UCMA: variants seen among roughly 807,000 people sequenced by gnomAD.
The protein encoded by UCMA is upper zone of growth plate and cartilage matrix-associated protein.
UCMA carries 21 observed loss-of-function variants against 21.8 expected under a neutral mutation model. The observed-to-expected ratio is 0.97, with a 90% CI of 0.68 to 1.39. The LOEUF (loss-of-function observed/expected upper bound fraction) is 1.39, where lower values mean the gene tolerates loss of function less well. Ranked by LOEUF, UCMA falls within the 40% of genes most tolerant of loss-of-function variation. The probability of loss-of-function intolerance (pLI) is 0.00; values close to 1 mark genes in which losing one functional copy is unlikely to be tolerated. For synonymous variants in UCMA, 76 were observed against 67.9 expected, an observed-to-expected ratio of 1.12 and a Z score of -0.58; for missense variants, 193 against 178.9, an observed-to-expected ratio of 1.08 and a Z score of -0.45.
chr10:13,233,636 G>C lies in UCMA; in HGVS notation c.125-3C>G, dbSNP rs1165983592. 1 of 1,614,002 alleles carries C rather than the reference G, an allele frequency of 6.2e-7. No homozygotes were observed. The highest frequency in any genetic ancestry group is 1.3e-5 in the African/African-American group (1 of 74,898). On this transcript the variant is annotated splice_region_variant and splice_polypyrimidine_tract_variant and intron_variant, in intron 2 of 4. Transcript: ENST00000378681. ...CATGAAAATCTTCTGTTTTGCATCT[G>C]AAACCCGGGAGAGGCCTGTCACCAG...
At chr10:13,224,888 A>C (rs1588488535) in intron 4 of UCMA, among the ~76,000 whole-genome samples, 2 of 152,154 alleles carry the variant, frequency 1.3e-5, no homozygotes, top group African/African-American at 4.8e-5. Flanking sequence ...AAATCCCATT[A>C]GGTACTTGAT....
chr10:13,233,391 C>G, intron 3 of UCMA, 147 bp downstream of exon 3: 1 of 675,674 alleles, frequency 1.5e-6, no homozygotes, highest in Non-Finnish European at 2.6e-6. Flanking sequence ...ATTTCTCATT[C>G]AGAGCTGCAG....
Position 13,222,184 on chromosome 10 carries a change from G to C in UCMA, c.336C>G (p.Ser112Arg). 1.2e-6 allele frequency: 2 copies of C among 1,613,872 alleles called. No homozygotes were observed. Among genetic ancestry groups the C allele is most frequent in the Non-Finnish European group, 1.7e-6 (2 of 1,179,956 alleles). The change falls in exon 5 of 5, where the codon AGC becomes AGG. Residue 112 changes from serine to arginine, a missense_variant. Transcript: ENST00000378681. ...GGCGCCACTGCTCCACAGCCTCCCG[G>C]CTCCTCTCTTCCTGCTCTGGGGAGG... Reference protein sequence around the residue: ...EEQNDEQEERSREAVEQWRQW... With the variant: ...EEQNDEQEERRREAVEQWRQW...
chr10:13,221,825 T>C lies in UCMA; in HGVS notation c.*278A>G. 2 of 438,146 alleles carry C rather than the reference T, an allele frequency of 4.6e-6. No individual in the cohort carries two copies. Among genetic ancestry groups the C allele is most frequent in the Non-Finnish European group, 8.2e-6 (2 of 244,084 alleles). 27.1% of individuals were successfully genotyped at this position (438,146 alleles called of 1,614,324 possible). ...AAACATGTGATTCTTGACTGATTCT[T>C]TTGCTTGGGAACGAAGCCAGGGGAA... On this transcript the variant is annotated 3_prime_UTR_variant, in exon 5 of 5. Coordinates refer to ENST00000378681, the MANE Select transcript of UCMA (RefSeq NM_145314.3).
intron 3 of UCMA, among the ~76,000 whole-genome samples, chr10:13,229,930 GA>G (rs1026107095): frequency 1.3e-5 from 2 of 152,194 alleles, no homozygotes; most frequent in Non-Finnish European, 2.9e-5. Context: ...CAAATGAGAA[GA>G]TAGAGGCCCC....
At chr10:13,234,116 C>A in intron 1 of UCMA, 85 bp downstream of exon 1, 1 of 1,332,448 alleles carries the variant, frequency 7.5e-7, no homozygotes, top group Admixed American at 2.5e-5. Flanking sequence ...TTTCTACCTG[C>A]ATCACCTGAG....
At chr10:13,228,039 A>G (rs942417) in intron 4 of UCMA, among the ~76,000 whole-genome samples, 55,602 of 150,108 alleles carry the variant, frequency 0.37, 10,472 homozygotes, top group Admixed American at 0.42. Flanking sequence ...GAGACACTGG[A>G]CTCTCTGGTC....
At chr10:13,226,900 C>T (rs1834829888) in intron 4 of UCMA, among the ~76,000 whole-genome samples, 1 of 152,186 alleles carries the variant, frequency 6.6e-6, no homozygotes, top group South Asian at 2.1e-4. Context: ...TTTTCATCTA[C>T]ATGCTAGAGC....
intron 3 of UCMA, among the ~76,000 whole-genome samples, chr10:13,231,490 A>G (rs1049325318): frequency 6.6e-6 from 1 of 152,176 alleles, no homozygotes; most frequent in Admixed American, 6.5e-5. Flanking sequence ...TGTTGCTCCA[A>G]GCGCCAGAAA....
intron 4 of UCMA, among the ~76,000 whole-genome samples, chr10:13,225,242 C>T (rs920887798): frequency 3.3e-5 from 5 of 152,034 alleles, no homozygotes; most frequent in East Asian, 1.9e-4. Context: ...GACAAGGTCT[C>T]GTTATGTTGC....
At chr10:13,232,702 C>G (rs1834914724) in intron 3 of UCMA, among the ~76,000 whole-genome samples, 1 of 152,028 alleles carries the variant, frequency 6.6e-6, no homozygotes, top group African/African-American at 2.4e-5. Context: ...TGCTGAGTGC[C>G]CTGAAGAATA....
rs1454778633 is a variant in UCMA at position 13,221,821 on chromosome 10, T to C, written c.*282A>G. On this transcript the variant is annotated 3_prime_UTR_variant, in exon 5 of 5. Coordinates refer to ENST00000378681, the MANE Select transcript of UCMA (RefSeq NM_145314.3). ...AAGCAAACATGTGATTCTTGACTGA[T>C]TCTTTTGCTTGGGAACGAAGCCAGG... The C allele has an allele frequency of 7.0e-6, 3 of 428,344 alleles. No homozygotes were observed. Among genetic ancestry groups the C allele is most frequent in the Non-Finnish European group, 1.3e-5 (3 of 238,170 alleles). 26.5% of individuals were successfully genotyped at this position (428,344 alleles called of 1,614,324 possible).
At chr10:13,230,663 A>G (rs1834886408) in intron 3 of UCMA, among the ~76,000 whole-genome samples, 1 of 152,160 alleles carries the variant, frequency 6.6e-6, no homozygotes, top group East Asian at 1.9e-4. Context: ...GTGCTGAAGG[A>G]AGCAGAGAAG....
chr10:13,225,380 A>T (rs1834810822), intron 4 of UCMA, among the ~76,000 whole-genome samples: 1 of 147,494 alleles, frequency 6.8e-6, no homozygotes, highest in Non-Finnish European at 1.5e-5. Context: ...TAACCCTTAG[A>T]ATAGGTGACT....
chr10:13,230,376 A>C (rs1834882507), intron 3 of UCMA, among the ~76,000 whole-genome samples: 1 of 152,184 alleles, frequency 6.6e-6, no homozygotes, highest in African/African-American at 2.4e-5. Context: ...AGAAAGACAT[A>C]AGACAAGTTT....
chr10:13,233,796 C>T lies in UCMA; in HGVS notation c.63G>A (p.Leu21=), dbSNP rs775457599. Residue 21 remains leucine (L), a synonymous_variant, in exon 2 of 5, where the codon CTG becomes CTA. Coordinates refer to ENST00000378681, the MANE Select transcript of UCMA (RefSeq NM_145314.3). Reference sequence around the variant, plus strand: ...CCACAGATACACTGGTTCCCTCTCTCAGCACTGCAGGACAAGGGCACAGAG... The same window carrying T: ...CCACAGATACACTGGTTCCCTCTCTTAGCACTGCAGGACAAGGGCACAGAG... ...CFSAVVLLSM[L]REGTSVSVGT... 1.2e-6 allele frequency: 2 copies of T among 1,613,868 alleles called. No homozygotes were observed. Among genetic ancestry groups the T allele is most frequent in the East Asian group, 4.5e-5 (2 of 44,816 alleles).
intron 4 of UCMA, 103 bp downstream of exon 4, chr10:13,229,508 A>G: frequency 9.0e-7 from 1 of 1,112,110 alleles, no homozygotes; most frequent in South Asian, 1.5e-5. Context: ...TTCGTCTCAA[A>G]AAAAGAAAAA....
At chr10:13,222,315 T>C (rs1157881899) in intron 4 of UCMA, 115 bp from the exon 5 acceptor site, 1 of 862,782 alleles carries the variant, frequency 1.2e-6, no homozygotes, top group Non-Finnish European at 1.8e-6. Context: ...AGAGTGTTTG[T>C]GAGCCCTGGT....
At chr10:13,224,680 G>A (rs1225114571) in intron 4 of UCMA, among the ~76,000 whole-genome samples, 1 of 152,176 alleles carries the variant, frequency 6.6e-6, no homozygotes, top group Non-Finnish European at 1.5e-5. Flanking sequence ...CAACAGGACC[G>A]CCTGGTGGCT....
Sources: allele counts gnomAD v4.1 joint callset (sites outside exome capture counted in the v4.1 genomes callset), GRCh38; gene constraint gnomAD v4.1.1; transcripts MANE v1.5; gene names NCBI Gene and HGNC (gene_info 2026-07-23, HGNC 2026-07-21).